CELF4: variants seen among roughly 807,000 people sequenced by gnomAD.
CELF4 encodes the protein CUGBP Elav-like family member 4, also known as CUG-BP- and ETR-3-like factor 4.
In CELF4, 18 loss-of-function variants were observed where a neutral mutation model predicts 59.9. That is an observed-to-expected ratio of 0.30 (90% confidence interval 0.21 to 0.45). The LOEUF is 0.45. CELF4 is among the 20% of genes least tolerant of loss of function. The pLI, the probability that CELF4 is intolerant of heterozygous loss-of-function variation, is 1.00. For synonymous variants in CELF4, 261 were observed against 267.1 expected (o/e 0.98, Z 0.22); for missense variants, 456 against 689.0 (o/e 0.66, Z 3.79).
rs1423529748 is a variant in CELF4, at chr18:37,259,211, C to T, written c.1303G>A (p.Ala435Thr). Reference sequence around the variant, plus strand: ...GGGAGGAACATCTGCATCAGCTCAGCGTCCCCAAACTCCTGGGGCAGATGG... The same window carrying T: ...GGGAGGAACATCTGCATCAGCTCAGTGTCCCCAAACTCCTGGGGCAGATGG... The part of the protein sequence containing the change: ...IYHLPQEFGD[A>T]ELMQMFLPFG... Residue 435 changes from alanine to threonine, a missense_variant, in exon 11 of 13, where the codon GCT becomes ACT. Ala to Thr is a moderately conservative substitution (Grantham distance 58). This residue lies in a region of CELF4 where 256 missense variants were observed against 340.8 expected (regional missense o/e 0.75). Coordinates refer to ENST00000420428, the MANE Select transcript of CELF4 (RefSeq NM_020180.4). 5 of 1,612,082 alleles carry T rather than the reference C, an allele frequency of 3.1e-6. No individual in the cohort carries two copies. The East Asian group carries it at 8.9e-5, about 29-fold the overall frequency.
intron 3 of CELF4, among the ~76,000 whole-genome samples, chr18:37,290,069 G>A (rs1015163988): frequency 2.0e-5 from 3 of 152,168 alleles, no homozygotes; most frequent in Non-Finnish European, 4.4e-5. Context: ...GGCTGGGAGA[G>A]GGCTTGATGC....
At chr18:37,289,899 C>T (rs1419924543) in intron 3 of CELF4, among the ~76,000 whole-genome samples, 2 of 152,162 alleles carry the variant, frequency 1.3e-5, no homozygotes, top group African/African-American at 2.4e-5. Flanking sequence ...CTGGGCATTG[C>T]CCTCTTCAGG....
chr18:37,277,045 T>A (rs912532752), intron 3 of CELF4, among the ~76,000 whole-genome samples: 1 of 152,094 alleles, frequency 6.6e-6, no homozygotes, highest in African/African-American at 2.4e-5. Flanking sequence ...GAGCTGAGGG[T>A]CTGTCCCAGG....
In CELF4 at chr18:37,360,364, G is replaced by A. The variant is rs139693189; in HGVS notation, c.370-38483C>T. 3.8e-3 allele frequency among the ~76,000 whole-genome samples: 579 copies of A among 152,228 alleles called. 5 individuals are homozygous for A. The highest frequency in any genetic ancestry group is 0.013 in the African/African-American group (544 of 41,558). ...ACCTCCCCTGACACTGGCACCCACC[G>A]GCTGCACAGGAACCAGCCTGCTGAG... is the stretch of plus-strand genomic sequence containing the variant. On this transcript the variant is annotated intron_variant, in intron 2 of 12. Coordinates refer to ENST00000420428, the MANE Select transcript of CELF4 (RefSeq NM_020180.4).
intron 2 of CELF4, among the ~76,000 whole-genome samples, chr18:37,482,471 C>T (rs1478702688): frequency 6.6e-6 from 1 of 152,158 alleles, no homozygotes; most frequent in Non-Finnish European, 1.5e-5. Context: ...CTAAAACATG[C>T]CAAACTCAAA....
At chr18:37,278,722 C>T (rs1255364600) in intron 3 of CELF4, among the ~76,000 whole-genome samples, 1 of 152,186 alleles carries the variant, frequency 6.6e-6, no homozygotes, top group Non-Finnish European at 1.5e-5. Context: ...CCTGGAAGGT[C>T]ACCCCTGCTG....
rs140245772 is a variant in CELF4 at position 37,441,134 on chromosome 18, G to A, written c.369+44391C>T. 4.3e-4 allele frequency among the ~76,000 whole-genome samples: 65 copies of A among 152,272 alleles called. 1 individual carries two copies. The highest frequency in any genetic ancestry group is 1.2e-3 in the South Asian group (6 of 4,816). On this transcript the variant is annotated intron_variant, in intron 2 of 12. Transcript: ENST00000420428. ...GACTCTGGACATCCACTGAAGGAAG[G>A]CTTGGGATTTGTTTTTAAAGATCTC... is the stretch of plus-strand genomic sequence containing the variant.
intron 2 of CELF4, among the ~76,000 whole-genome samples, chr18:37,363,095 C>A (rs540522615): frequency 1.3e-5 from 2 of 152,174 alleles, no homozygotes; most frequent in Non-Finnish European, 2.9e-5. Context: ...AGAATTCACC[C>A]CAGGAGCCTG....
intron 2 of CELF4, among the ~76,000 whole-genome samples, chr18:37,485,284 C>A (rs866550735): frequency 6.6e-6 from 1 of 151,902 alleles, no homozygotes; most frequent in East Asian, 1.9e-4. Flanking sequence ...GCCGCTCCCC[C>A]GCCCCAGGCT....
At chr18:37,382,760 C>T (rs1187744709) in intron 2 of CELF4, among the ~76,000 whole-genome samples, 2 of 152,034 alleles carry the variant, frequency 1.3e-5, no homozygotes, top group Admixed American at 6.6e-5. Context: ...ATTTACAGTC[C>T]GTGTATTAAA....
rs138524221 is a variant in CELF4 at position 37,433,705 on chromosome 18, C to A, written c.369+51820G>T. On this transcript the variant is annotated intron_variant, in intron 2 of 12. Coordinates refer to ENST00000420428, the MANE Select transcript of CELF4 (RefSeq NM_020180.4). ...CTCCCTGTGGGGAGGAGTATGTAAGCAGACGGGGAGAAGGTTCTGAGAGTG... is the reference window on the plus strand; with the variant it reads ...CTCCCTGTGGGGAGGAGTATGTAAGAAGACGGGGAGAAGGTTCTGAGAGTG... Among the ~76,000 whole-genome samples the A allele has an allele frequency of 1.3e-3, 194 of 152,286 alleles. 2 individuals are homozygous for A. Among genetic ancestry groups the A allele is most frequent in the African/African-American group, 4.6e-3 (192 of 41,564 alleles).
intron 1 of CELF4, among the ~76,000 whole-genome samples, chr18:37,487,432 A>C (rs1162649553): frequency 6.6e-6 from 1 of 151,946 alleles, no homozygotes; most frequent in Non-Finnish European, 1.5e-5. Context: ...CTTCGGAGAA[A>C]TCTCTCTCCC....
At chr18:37,429,303 T>C (rs927990250) in intron 2 of CELF4, among the ~76,000 whole-genome samples, 5 of 152,132 alleles carry the variant, frequency 3.3e-5, no homozygotes, top group African/African-American at 9.7e-5. Context: ...GGTGCATGTG[T>C]AAGTCTGTGT....
At chr18:37,548,469 GC>G (rs942231613) in intron 1 of CELF4, among the ~76,000 whole-genome samples, 2 of 151,980 alleles carry the variant, frequency 1.3e-5, no homozygotes, top group African/African-American at 4.8e-5. Flanking sequence ...CAAGTGAGAG[GC>G]TGTGTGTGTG....
At chr18:37,535,726 G>A (rs956384111) in intron 1 of CELF4, among the ~76,000 whole-genome samples, 2 of 152,196 alleles carry the variant, frequency 1.3e-5, no homozygotes, top group Non-Finnish European at 2.9e-5. Context: ...GGAAAGGGGC[G>A]GCCACCAGGA....
At chr18:37,289,603 C>T (rs1181198997) in intron 3 of CELF4, among the ~76,000 whole-genome samples, 3 of 151,990 alleles carry the variant, frequency 2.0e-5, no homozygotes, top group African/African-American at 4.8e-5. Flanking sequence ...CTGTCAGCTG[C>T]CCTTTGGATG....
At chr18:37,536,451 G>A (rs2099973558) in intron 1 of CELF4, among the ~76,000 whole-genome samples, 1 of 152,170 alleles carries the variant, frequency 6.6e-6, no homozygotes, top group South Asian at 2.1e-4. Context: ...AACTTCCTGA[G>A]CAACAGCCAT....
intron 2 of CELF4, among the ~76,000 whole-genome samples, chr18:37,431,362 C>CTTTTTTTTTTT (rs35971960): frequency 6.1e-5 from 5 of 81,556 alleles, no homozygotes; most frequent in Non-Finnish European, 1.2e-4. Flanking sequence ...CCTTTCTTTC[C>CTTTTTTTTTTT]TTTTTTTTTT....
chr18:37,293,612 G>T (rs907599597), intron 3 of CELF4, among the ~76,000 whole-genome samples: 27 of 152,204 alleles, frequency 1.8e-4, no homozygotes, highest in African/African-American at 6.5e-4. Context: ...ACCCACTCCA[G>T]ACACTGTAGG....
Sources: gnomAD v4.1 joint callset for allele counts (sites outside exome capture counted in the v4.1 genomes callset) on GRCh38, gnomAD v4.1.1 for gene constraint, gnomAD v4.1.1 regional missense constraint, MANE v1.5 for transcripts, NCBI Gene and HGNC (gene_info 2026-07-23, HGNC 2026-07-21) for gene names.